Variants in NTN4 observed in about 807,000 individuals in gnomAD.
The protein encoded by NTN4 is netrin-4.
A neutral mutation model predicts 73.6 loss-of-function variants in NTN4; 32 were observed. The ratio of observed to expected loss-of-function variants is 0.44; its 90% confidence interval spans 0.33 to 0.58. NTN4 has a LOEUF of 0.58. Among genes scored for constraint, NTN4 ranks in the 20% least tolerant of loss-of-function variants. NTN4 has a pLI of 0.04. For missense variants in NTN4, 654 were observed against 798.3 expected (o/e 0.82, Z 2.18); for synonymous variants, 258 against 287.5 (o/e 0.90, Z 1.04).
chr12:95,679,814 A>G (rs922979444), intron 7 of NTN4, among the ~76,000 whole-genome samples: 3 of 152,078 alleles, frequency 2.0e-5, no homozygotes, highest in African/African-American at 7.2e-5. Flanking sequence ...AGGTCCTCAT[A>G]GTGGCCTCTG....
At chr12:95,732,550 C>T (rs776441864) in intron 3 of NTN4, among the ~76,000 whole-genome samples, 6 of 151,952 alleles carry the variant, frequency 3.9e-5, no homozygotes, top group Non-Finnish European at 5.9e-5. Flanking sequence ...ACTATAGGCG[C>T]GTGCCACCAC....
At chr12:95,779,073 G>A (rs1409935273) in intron 2 of NTN4, among the ~76,000 whole-genome samples, 1 of 152,076 alleles carries the variant, frequency 6.6e-6, no homozygotes, top group Non-Finnish European at 1.5e-5. Context: ...TATTATCTCA[G>A]TAGATGCAGA....
chr12:95,714,570 A>G (rs914534166), intron 3 of NTN4, among the ~76,000 whole-genome samples: 1 of 151,484 alleles, frequency 6.6e-6, no homozygotes, highest in African/African-American at 2.5e-5. Flanking sequence ...ATAGCTGGAG[A>G]AAAAAGAGTT....
chr12:95,692,782 T>C (rs2078410569), intron 5 of NTN4, among the ~76,000 whole-genome samples: 3 of 152,268 alleles, frequency 2.0e-5, no homozygotes, highest in Middle Eastern at 3.4e-3. Context: ...TATAATAAAG[T>C]TGGTAAGAGC....
At chr12:95,672,445 G>T in intron 7 of NTN4, 1 of 1,439,128 alleles carries the variant, frequency 6.9e-7, no homozygotes, top group Non-Finnish European at 9.8e-7. Context: ...GCTGCTAGAT[G>T]TTGGCTATGA....
intron 4 of NTN4, among the ~76,000 whole-genome samples, chr12:95,711,963 A>G (rs982326071): frequency 1.3e-5 from 2 of 152,318 alleles, no homozygotes; most frequent in Admixed American, 1.3e-4. Flanking sequence ...ATATCTTTTA[A>G]AAGTATATTA....
Position 95,790,168 on chromosome 12 carries a change from C to T in NTN4, c.55+87G>A, listed in dbSNP as rs1247675062. On this transcript the variant is annotated intron_variant, in intron 1 of 9. Transcript: ENST00000343702. The surrounding 1 kb of genome is among the most constrained non-coding windows in gnomAD (Gnocchi z 6.5). The stretch of plus-strand genomic sequence containing the variant: ...CGGGAGCAGCGCTCTGCGCTCGCAG[C>T]CCTGGCTCCCCTGCACCCCCGAGTC... 7 of 1,215,710 alleles carry T rather than the reference C, an allele frequency of 5.8e-6. No homozygotes were observed. Among genetic ancestry groups the T allele is most frequent in the Admixed American group, 2.5e-5 (1 of 39,486 alleles). The allele number at this position is 1,215,710 out of a possible 1,614,324, so 75.3% of individuals were successfully genotyped here.
chr12:95,738,287 A>G, intron 2 of NTN4, 143 bp from the exon 3 acceptor site: 1 of 746,642 alleles, frequency 1.3e-6, no homozygotes, highest in Non-Finnish European at 2.2e-6. Context: ...CCTTGAGCAC[A>G]CCTGGGACAG....
chr12:95,752,169 G>T (rs888761242), intron 2 of NTN4, among the ~76,000 whole-genome samples: 1 of 151,580 alleles, frequency 6.6e-6, no homozygotes, highest in Admixed American at 6.6e-5. Flanking sequence ...CCTGCAGCAC[G>T]CTTTAAAAAG....
intron 3 of NTN4, among the ~76,000 whole-genome samples, chr12:95,715,898 T>C (rs1442173948): frequency 1.3e-5 from 2 of 152,138 alleles, no homozygotes; most frequent in African/African-American, 2.4e-5. Flanking sequence ...TTCTTTGTTT[T>C]ACTTGTAGTA....
At chr12:95,706,896 G>A (rs1318242727) in intron 5 of NTN4, among the ~76,000 whole-genome samples, 4 of 152,136 alleles carry the variant, frequency 2.6e-5, no homozygotes, top group Non-Finnish European at 5.9e-5. Flanking sequence ...GTGAAAACTC[G>A]GATTGCTGGG....
chr12:95,765,015 C>T (rs2079011485), intron 2 of NTN4, among the ~76,000 whole-genome samples: 1 of 152,182 alleles, frequency 6.6e-6, no homozygotes, highest in Non-Finnish European at 1.5e-5. Context: ...TGTAGAGCAA[C>T]CTCTTAACAG....
intron 2 of NTN4, among the ~76,000 whole-genome samples, chr12:95,761,326 C>CTTTTTTTTTTT (rs397969115): frequency 2.3e-5 from 3 of 133,168 alleles, no homozygotes; most frequent in African/African-American, 2.8e-5. Context: ...AAGAGATATT[C>CTTTTTTTTTTT]TTTTTTTTTT....
At position 95,789,285 on chromosome 12, in the gene NTN4, G is replaced by T. The variant is rs990287583; in HGVS notation, c.55+970C>A. 1.3e-5 allele frequency among the ~76,000 whole-genome samples: 2 copies of T among 152,164 alleles called. No homozygotes were observed. The highest frequency in any genetic ancestry group is 4.8e-5 in the African/African-American group (2 of 41,446). On this transcript the variant is annotated intron_variant, in intron 1 of 9. Coordinates refer to ENST00000343702, the MANE Select transcript of NTN4 (RefSeq NM_021229.4). The surrounding 1 kb of genome is among the most constrained non-coding windows in gnomAD (Gnocchi z 4.0). ...AGAGTGGAAGCCCAAGGGAGGAGAT[G>T]CGTGCTACAATGTTCTGTAGCCACC...
intron 2 of NTN4, among the ~76,000 whole-genome samples, chr12:95,782,637 C>A (rs145796732): frequency 6.6e-6 from 1 of 152,156 alleles, no homozygotes; most frequent in Non-Finnish European, 1.5e-5. Context: ...CCCAGCTACT[C>A]CCTCTGTTCT....
In NTN4 at chr12:95,787,639, C is replaced by G. The variant is rs1424439527; in HGVS notation, c.56-171G>C. On this transcript the variant is annotated intron_variant, in intron 1 of 9. Transcript: ENST00000343702. ...TTCCTGTTTGAGCATGAACACTGTT[C>G]TGCATTCACAATGCATTCGTGTATG... is the stretch of plus-strand genomic sequence containing the variant. 2.0e-5 allele frequency among the ~76,000 whole-genome samples: 3 copies of G among 152,176 alleles called. No homozygotes were observed. The East Asian group carries it at 5.8e-4, about 29-fold the overall frequency.
At chr12:95,671,339 G>C (rs2078228634) in intron 7 of NTN4, among the ~76,000 whole-genome samples, 1 of 152,098 alleles carries the variant, frequency 6.6e-6, no homozygotes, top group Non-Finnish European at 1.5e-5. Context: ...CAAACCCCTG[G>C]CCGTGGACTG....
intron 1 of NTN4, among the ~76,000 whole-genome samples, chr12:95,788,257 G>A (rs1457276735): frequency 6.6e-6 from 1 of 152,192 alleles, no homozygotes; most frequent in Non-Finnish European, 1.5e-5. Flanking sequence ...GTAGTTAACT[G>A]TTTGCTTAAC....
intron 5 of NTN4, among the ~76,000 whole-genome samples, chr12:95,686,417 C>A (rs756992282): frequency 6.6e-6 from 1 of 152,116 alleles, no homozygotes; most frequent in Non-Finnish European, 1.5e-5. Flanking sequence ...GATCATTTAG[C>A]GATCTGAGCC....
Sources: allele counts gnomAD v4.1 joint callset (sites outside exome capture counted in the v4.1 genomes callset), GRCh38; gene constraint gnomAD v4.1.1; non-coding constraint Gnocchi (gnomAD v3.1); transcripts MANE v1.5; gene names NCBI Gene and HGNC (gene_info 2026-07-23, HGNC 2026-07-21).